The following MRO variants were observed in gnomAD, a reference collection of about 807,000 sequenced individuals.
MRO encodes the protein protein maestro.
Under a neutral mutation model 31.0 loss-of-function variants are expected in MRO, and 28 were observed. The ratio of observed to expected loss-of-function variants is 0.90; its 90% CI spans 0.67 to 1.24. MRO has a LOEUF of 1.24. MRO is among the 50% of genes most tolerant of loss of function. The pLI, the probability that MRO is intolerant of heterozygous loss-of-function variation, is 0.00. For missense variants in MRO, 332 were observed against 289.2 expected (o/e 1.15, Z -1.07); for synonymous variants, 108 against 108.4 (o/e 1.00, Z 0.02).
chr18:50,810,466 A>G (rs1914382513), intron 2 of MRO, among the ~76,000 whole-genome samples: 1 of 152,226 alleles, frequency 6.6e-6, no homozygotes, highest in Non-Finnish European at 1.5e-5. Context: ...ATATGCTTGC[A>G]TATGCATAGG....
intron 7 of MRO, 123 bp downstream of exon 7, chr18:50,799,912 AT>A: frequency 1.5e-6 from 1 of 682,774 alleles, no homozygotes; most frequent in Non-Finnish European, 2.5e-6. Context: ...AAATAAAAAA[AT>A]AAACATAGTT....
intron 7 of MRO, among the ~76,000 whole-genome samples, 196 bp downstream of exon 7, chr18:50,799,840 G>A (rs576694238): frequency 6.6e-6 from 1 of 152,292 alleles, no homozygotes; most frequent in Non-Finnish European, 1.5e-5. Context: ...GAACTTGGGA[G>A]GTGAAGGCTG....
In MRO at chr18:50,796,441, GATAAGAT is replaced by G. The variant is rs1334381060; in HGVS notation, c.*2889_*2895del. The G allele has an allele frequency of 6.6e-6, 1 of 151,828 alleles. No homozygotes were observed. Among genetic ancestry groups the G allele is most frequent in the African/African-American group, 2.4e-5 (1 of 41,348 alleles). The allele number at this position is 151,828 out of a possible 1,614,324, so 9.4% of individuals were successfully genotyped here. ...GCCATATACAAAAAAAAACTTTTCA[GATAAGAT>G]ATAAGTGGTATAATATTGCTAGAAT... On this transcript the variant is annotated 3_prime_UTR_variant, in exon 8 of 8. Transcript: ENST00000398439.
intron 4 of MRO, 105 bp downstream of exon 4, chr18:50,806,599 T>G (rs1913960106): frequency 1.5e-6 from 2 of 1,356,254 alleles, no homozygotes; most frequent in Non-Finnish European, 1.0e-6. Flanking sequence ...TCCGGGGTGA[T>G]AGATAACTAA....
chr18:50,802,611 T>C (rs1412303016), intron 5 of MRO, among the ~76,000 whole-genome samples: 1 of 152,006 alleles, frequency 6.6e-6, no homozygotes, highest in Non-Finnish European at 1.5e-5. Flanking sequence ...GAACTGAGGG[T>C]CACAGAGACC....
At chr18:50,812,092 C>T (rs544864857) in intron 2 of MRO, among the ~76,000 whole-genome samples, 1 of 152,224 alleles carries the variant, frequency 6.6e-6, no homozygotes, top group African/African-American at 2.4e-5. Context: ...AAACTGTTTT[C>T]CACAGTGGTT....
chr18:50,804,025 G>C (rs2144602010), intron 5 of MRO, among the ~76,000 whole-genome samples: 1 of 152,318 alleles, frequency 6.6e-6, no homozygotes, highest in East Asian at 1.9e-4. Context: ...GTTGAGTGTA[G>C]CCCTATAGTC....
upstream of MRO, among the ~76,000 whole-genome samples, chr18:50,822,743 C>T (rs1336137302): frequency 2.3e-5 from 3 of 130,288 alleles, no homozygotes; most frequent in Non-Finnish European, 4.7e-5. Flanking sequence ...TTGATTTTCA[C>T]TTCTAAAAAG....
intron 2 of MRO, among the ~76,000 whole-genome samples, chr18:50,811,088 C>T (rs550358017): frequency 6.6e-6 from 1 of 152,170 alleles, no homozygotes; most frequent in Admixed American, 6.5e-5. Flanking sequence ...GTGATGGTAG[C>T]AGTAACAATT....
chr18:50,804,879 C>A (rs1009953104), intron 5 of MRO, among the ~76,000 whole-genome samples: 1 of 151,946 alleles, frequency 6.6e-6, no homozygotes, highest in African/African-American at 2.4e-5. Flanking sequence ...GCAACCTCCA[C>A]CTCCCAAGTT....
intron 2 of MRO, chr18:50,815,368 G>A (rs112823663): frequency 3.9e-6 from 1 of 259,106 alleles, no homozygotes; most frequent in Non-Finnish European, 7.8e-6. Context: ...CTATGGTGGT[G>A]AAGGTGATGG....
upstream of MRO, among the ~76,000 whole-genome samples, chr18:50,824,671 G>C (rs1332918502): frequency 6.7e-6 from 1 of 149,180 alleles, no homozygotes; most frequent in East Asian, 2.0e-4. Context: ...GGTCAGGCTG[G>C]TCTCGATCTC....
rs573818487 is a variant in MRO, at chr18:50,813,530, G to A, written c.-4-4126C>T. ...TTTCTGATTCTGTGCATCGGCAGCA[G>A]GGCCTAATAATTTCTATTTCTAACA... is the stretch of plus-strand genomic sequence containing the variant. On this transcript the variant is annotated intron_variant, in intron 2 of 7. Transcript: ENST00000398439. Among the ~76,000 whole-genome samples, 6 of 152,326 alleles carry A rather than the reference G, an allele frequency of 3.9e-5. 1 individual carries two copies. In the East Asian group the frequency reaches 7.7e-4, roughly 20 times the overall value.
intron 2 of MRO, among the ~76,000 whole-genome samples, chr18:50,812,971 C>T (rs1266306399): frequency 1.3e-5 from 2 of 152,312 alleles, no homozygotes; most frequent in East Asian, 3.9e-4. Flanking sequence ...TTACCCAGGG[C>T]TGGGGAGCTT....
chr18:50,798,529 T>C lies in MRO; in HGVS notation c.*808A>G, dbSNP rs1250460344. The C allele has an allele frequency of 6.6e-6, 1 of 152,180 alleles. No homozygotes were observed. Among genetic ancestry groups the C allele is most frequent in the Non-Finnish European group, 1.5e-5 (1 of 68,034 alleles). The allele number at this position is 152,180 out of a possible 1,614,324, so 9.4% of individuals were successfully genotyped here. A position where few individuals can be genotyped will look rare whatever the true frequency, so the allele number is the denominator to read the frequency against. ...GTTTACTGAGTTATCTGGGGAAAGT[T>C]ACCTAATTTCCCTATGTGTTAGCTT... On this transcript the variant is annotated 3_prime_UTR_variant, in exon 8 of 8. Transcript: ENST00000398439.
In MRO at chr18:50,802,095, T is replaced by C. The variant is rs1913392126; in HGVS notation, c.430-591A>G. ...AGTCTGAGAGCTCTTTCTACATCAA[T>C]ACATAAAAGAGTTTTCATTTTTCTT... On this transcript the variant is annotated intron_variant, in intron 5 of 7. Transcript: ENST00000398439. 2.0e-5 allele frequency among the ~76,000 whole-genome samples: 3 copies of C among 152,380 alleles called. No individual in the cohort carries two copies. The South Asian group carries it at 6.2e-4, about 32-fold the overall frequency.
chr18:50,802,831 A>T (rs966675473), intron 5 of MRO, among the ~76,000 whole-genome samples: 3 of 151,724 alleles, frequency 2.0e-5, no homozygotes, highest in Admixed American at 6.6e-5. Flanking sequence ...AGTAGCTGGG[A>T]TTACAGGCAC....
chr18:50,823,430 C>G (rs1016285771), upstream of MRO: 1 of 152,264 alleles, frequency 6.6e-6, no homozygotes. Flanking sequence ...ACTCTATAAA[C>G]AGTAAGCTGT....
chr18:50,820,246 A>G (rs560075575), upstream of MRO, among the ~76,000 whole-genome samples: 2 of 152,326 alleles, frequency 1.3e-5, no homozygotes, highest in African/African-American at 4.8e-5. Flanking sequence ...TGCACCAACA[A>G]CAAGAGCTTT....
Sources: allele counts gnomAD v4.1 joint callset (sites outside exome capture counted in the v4.1 genomes callset), GRCh38; gene constraint gnomAD v4.1.1; transcripts MANE v1.5; gene names NCBI Gene and HGNC (gene_info 2026-07-23, HGNC 2026-07-21).